HTT: variants seen among roughly 807,000 people sequenced by gnomAD.
HTT encodes the protein huntington disease protein.
A neutral mutation model predicts 362.3 loss-of-function variants in HTT; 104 were observed. The ratio of observed to expected loss-of-function variants is 0.29; its 90% CI spans 0.24 to 0.34. HTT has a LOEUF of 0.34. Among genes scored for constraint, HTT ranks in the 10% least tolerant of loss-of-function variants. HTT has a pLI of 1.00. For synonymous variants in HTT, 1,577 were observed against 1,548.7 expected, an observed-to-expected ratio of 1.02 and a Z score of -0.43; for missense variants, 3,301 against 3,928.6, an observed-to-expected ratio of 0.84 and a Z score of 4.27.
At chr4:3,155,728 CAAAAAAAAAA>C (rs774283812) in intron 27 of HTT, among the ~76,000 whole-genome samples, 2 of 49,648 alleles carry the variant, frequency 4.0e-5, no homozygotes, top group African/African-American at 7.1e-5. Flanking sequence ...AAAAATACCA[CAAAAAAAAAA>C]AAAAAAAAAA....
chr4:3,233,877 G>A (rs1426133499), intron 61 of HTT, among the ~76,000 whole-genome samples: 1 of 152,184 alleles, frequency 6.6e-6, no homozygotes, highest in Non-Finnish European at 1.5e-5. Flanking sequence ...TCTTACAAGC[G>A]CAGAGGGCTC....
rs2071656 is a variant in HTT, at chr4:3,131,013, G to A, written c.1987-273G>A. Among the ~76,000 whole-genome samples, 252 of 152,078 alleles carry A rather than the reference G, an allele frequency of 1.7e-3. 2 individuals carry two copies. Among genetic ancestry groups the A allele is most frequent in the Admixed American group, 2.9e-3 (44 of 15,264 alleles). ...CAGCAGCCGTTCCTGAATGCCTAGT[G>A]TCAACTGCCTTCTTACCACGCCCAC... On this transcript the variant is annotated intron_variant, in intron 14 of 66. Coordinates refer to ENST00000355072, the MANE Select transcript of HTT (RefSeq NM_001388492.1).
chr4:3,219,283 G>A (rs1008375416), intron 52 of HTT, among the ~76,000 whole-genome samples: 2 of 152,154 alleles, frequency 1.3e-5, no homozygotes, highest in African/African-American at 4.8e-5. Context: ...GGAGGGGCTC[G>A]TGGAGACCAT....
At chr4:3,138,576 G>T (rs1716194120) in intron 21 of HTT, among the ~76,000 whole-genome samples, 1 of 152,112 alleles carries the variant, frequency 6.6e-6, no homozygotes, top group Admixed American at 6.6e-5. Context: ...AGTTAAATAT[G>T]TATCAGTTTT....
At chr4:3,125,049 A>T (rs1303748547) in intron 10 of HTT, among the ~76,000 whole-genome samples, 4 of 152,216 alleles carry the variant, frequency 2.6e-5, no homozygotes, top group Non-Finnish European at 5.9e-5. Context: ...CTTCCAGATC[A>T]TATAATGCTT....
Position 3,121,293 on chromosome 4 carries a change from G to T in HTT, c.1134G>T (p.Glu378Asp), listed in dbSNP as rs1259286776. The T allele has an allele frequency of 6.2e-7, 1 of 1,614,186 alleles. No individual in the cohort carries two copies. The highest frequency in any genetic ancestry group is 1.1e-5 in the South Asian group (1 of 91,084). Residue 378 changes from glutamate to aspartate, a missense_variant, in exon 9 of 67, where the codon GAG becomes GAT. Glu to Asp is a conservative substitution (Grantham distance 45, BLOSUM62 2). Around this residue, in one of 4 missense-constraint regions of HTT, gnomAD observed 2,316 missense variants for 2,658.5 expected, o/e 0.87. Transcript: ENST00000355072. ...ACAATGTTGTGACCGGAGCCCTGGA[G>T]CTGTTGCAGCAGCTCTTCAGAACGC... The part of the protein sequence containing the change: ...QDHNVVTGAL[E>D]LLQQLFRTPP...
intron 60 of HTT, among the ~76,000 whole-genome samples, chr4:3,230,503 C>G (rs1298830006): frequency 6.6e-6 from 1 of 152,180 alleles, no homozygotes; most frequent in Non-Finnish European, 1.5e-5. Flanking sequence ...CACAGTGACC[C>G]TGTGTTTCTA....
At position 3,115,292 on chromosome 4, in the gene HTT, T is replaced by C. The variant is rs761037634; in HGVS notation, c.748-12T>C. ...CTTCATCTTTTATCTACTTGGACTT[T>C]TGCTTCCGTAGGTTTTGTTAAAGGC... On this transcript the variant is annotated splice_polypyrimidine_tract_variant and intron_variant, in intron 6 of 66. Coordinates refer to ENST00000355072, the MANE Select transcript of HTT (RefSeq NM_001388492.1). 3.7e-6 allele frequency: 6 copies of C among 1,611,922 alleles called. No individual in the cohort carries two copies. In the Admixed American group the frequency reaches 5.0e-5, roughly 14 times the overall value.
chr4:3,228,521 G>A lies in HTT; in HGVS notation c.7849-94G>A, dbSNP rs1050359015. 12 of 1,390,968 alleles carry A rather than the reference G, an allele frequency of 8.6e-6. No individual in the cohort carries two copies. The highest frequency in any genetic ancestry group is 4.7e-5 in the Admixed American group (2 of 42,200). 86.2% of individuals were successfully genotyped at this position (1,390,968 alleles called of 1,614,324 possible). Reference sequence around the variant, plus strand: ...CTTGCTAAGGGGCAGACTGTTAGACGGTAGGCATGTGCTGAGTCCCAGTGG... The same window carrying A: ...CTTGCTAAGGGGCAGACTGTTAGACAGTAGGCATGTGCTGAGTCCCAGTGG... On this transcript the variant is annotated intron_variant, in intron 57 of 66. Coordinates refer to ENST00000355072, the MANE Select transcript of HTT (RefSeq NM_001388492.1). This position sits in a 1 kb window ranked among gnomAD's most constrained non-coding sequence, Gnocchi z 4.3.
chr4:3,225,619 C>T (rs769962585), intron 56 of HTT, 42 bp from the exon 57 acceptor site: 3 of 1,568,800 alleles, frequency 1.9e-6, no homozygotes, highest in South Asian at 2.2e-5. Context: ...TGCGGCCCTG[C>T]CCCCCTGTGC....
intron 6 of HTT, among the ~76,000 whole-genome samples, chr4:3,110,938 C>G (rs1167084476): frequency 6.6e-6 from 1 of 152,178 alleles, no homozygotes; most frequent in African/African-American, 2.4e-5. Context: ...TGACTCACAT[C>G]TTACCTTTTT....
Position 3,175,116 on chromosome 4 carries a change from CTT to C in HTT, c.4407+12_4407+13del, listed in dbSNP as rs1190159117. On this transcript the variant is annotated intron_variant, in intron 33 of 66. Transcript: ENST00000355072. ...TTCTGGATTCAGATCAGGTTTGTCACTTTTATCTTTCATCCATCATACCTGTT... is the reference window on the plus strand; with the variant it reads ...TTCTGGATTCAGATCAGGTTTGTCACTTATCTTTCATCCATCATACCTGTT... 2 of 1,606,542 alleles carry C rather than the reference CTT, an allele frequency of 1.2e-6. No individual in the cohort carries two copies. Among genetic ancestry groups the C allele is most frequent in the Non-Finnish European group, 8.5e-7 (1 of 1,176,686 alleles).
Position 3,074,938 on chromosome 4 carries a change from A to AGCAGCAGCAGCAGCC in HTT, c.115_116insAGCAGCAGCAGCCGC (p.Gln38_Pro39insGlnGlnGlnGlnPro). ...CAGCAGCAGCAGCAGCAGCAGCAACAGCCGCCACCGCCGCCGCCGCCGCCG... is the reference window on the plus strand; with the variant it reads ...CAGCAGCAGCAGCAGCAGCAGCAACAGCAGCAGCAGCAGCCGCCGCCACCGCCGCCGCCGCCGCCG... On this transcript the variant is annotated inframe_insertion, in exon 1 of 67. Coordinates refer to ENST00000355072, the MANE Select transcript of HTT (RefSeq NM_001388492.1). 2.4e-6 allele frequency: 3 copies of AGCAGCAGCAGCAGCC among 1,272,250 alleles called. No homozygotes were observed. The highest frequency in any genetic ancestry group is 3.1e-6 in the Non-Finnish European group (3 of 959,482). 78.8% of individuals were successfully genotyped at this position (1,272,250 alleles called of 1,614,324 possible).
Position 3,218,190 on chromosome 4 carries a change from A to G in HTT, c.7242+238A>G, listed in dbSNP as rs879558790. ...AACTGAGGCCCTACATCCCTAAGAG[A>G]TTAGTGTTAGACCTGATTCTAGAGC... On this transcript the variant is annotated intron_variant, in intron 52 of 66. Coordinates refer to ENST00000355072, the MANE Select transcript of HTT (RefSeq NM_001388492.1). This position sits in a 1 kb window ranked among gnomAD's most constrained non-coding sequence, Gnocchi z 4.4. 5.3e-5 allele frequency among the ~76,000 whole-genome samples: 8 copies of G among 152,184 alleles called. No individual in the cohort carries two copies. Among genetic ancestry groups the G allele is most frequent in the Admixed American group, 2.6e-4 (4 of 15,276 alleles).
rs1483283777 is a variant in HTT at position 3,215,190 on chromosome 4, G to A, written c.7033G>A (p.Glu2345Lys). Residue 2345 changes from glutamate to lysine, a missense_variant, in exon 51 of 67, where the codon GAA (glutamate) becomes AAA (lysine). Around this residue, in one of 4 missense-constraint regions of HTT, gnomAD observed 220 missense variants for 218.5 expected, o/e 1.01. Coordinates refer to ENST00000355072, the MANE Select transcript of HTT (RefSeq NM_001388492.1). ...TPKAISEEEEEVDPNTQNPKY... is the reference protein window; with the variant it reads ...TPKAISEEEEKVDPNTQNPKY... Reference sequence around the variant, plus strand: ...AAAAGCCATCAGCGAGGAGGAGGAGGAAGTAGATCCAAACACACAGAGTAA... The same window carrying A: ...AAAAGCCATCAGCGAGGAGGAGGAGAAAGTAGATCCAAACACACAGAGTAA... 2 of 1,613,722 alleles carry A rather than the reference G, an allele frequency of 1.2e-6. No homozygotes were observed. The highest frequency in any genetic ancestry group is 4.5e-5 in the East Asian group (2 of 44,902).
chr4:3,116,120 C>A lies in HTT; in HGVS notation c.925C>A (p.Leu309Met). The stretch of plus-strand genomic sequence containing the variant: ...TCCTGTCGAGGATGAACACTCCACT[C>A]TGCTGATTCTTGGCGTGCTGCTCAC... ...LVPVEDEHST[L>M]LILGVLLTLR... The change falls in exon 8 of 67, where the codon CTG (leucine) becomes ATG (methionine). Residue 309 changes from leucine (L) to methionine (M), a missense_variant. Leu to Met is a conservative substitution (Grantham distance 15). Transcript: ENST00000355072. The A allele has an allele frequency of 6.2e-7, 1 of 1,613,450 alleles. No homozygotes were observed.
intron 34 of HTT, 123 bp from the exon 35 acceptor site, chr4:3,178,175 G>A (rs987220603): frequency 2.3e-5 from 17 of 740,664 alleles, no homozygotes; most frequent in African/African-American, 1.2e-4. Flanking sequence ...AGTAGATCAC[G>A]GACACCTGTT....
At chr4:3,155,700 T>C (rs1372699615) in intron 27 of HTT, among the ~76,000 whole-genome samples, 2 of 129,508 alleles carry the variant, frequency 1.5e-5, no homozygotes, top group Non-Finnish European at 3.1e-5. Flanking sequence ...GCCAGCATGG[T>C]GAAATCCTGT....
chr4:3,171,648 T>C (rs186472013), intron 29 of HTT, among the ~76,000 whole-genome samples: 1 of 152,096 alleles, frequency 6.6e-6, no homozygotes, highest in African/African-American at 2.4e-5. Flanking sequence ...TGGCTAATTT[T>C]GTATTTTTGG....
Sources: allele counts gnomAD v4.1 joint callset (sites outside exome capture counted in the v4.1 genomes callset), GRCh38; gene constraint gnomAD v4.1.1; regional missense constraint gnomAD v4.1.1; non-coding constraint Gnocchi (gnomAD v3.1); transcripts MANE v1.5; gene names NCBI Gene and HGNC (gene_info 2026-07-23, HGNC 2026-07-21).